ANKS1A: variants seen among roughly 807,000 people sequenced by gnomAD.
ANKS1A encodes the protein ankyrin repeat and sterile alpha motif domain containing 1A.
In ANKS1A, 55 loss-of-function variants were observed where a neutral mutation model predicts 120.3. That is an observed-to-expected ratio of 0.46 (90% CI 0.37 to 0.57). The LOEUF (loss-of-function observed/expected upper bound fraction) is 0.57, where lower values mean the gene tolerates loss of function less well. ANKS1A is among the 20% of genes least tolerant of loss of function. The pLI, the probability that ANKS1A is intolerant of heterozygous loss-of-function variation, is 0.00. For missense variants in ANKS1A, 1,123 were observed against 1,480.3 expected (o/e 0.76, Z 3.96); for synonymous variants, 590 against 604.7 (o/e 0.98, Z 0.36).
Position 34,889,804 on chromosome 6 carries a change from G to GT in ANKS1A, c.197+207dup, listed in dbSNP as rs2127436512. Among the ~76,000 whole-genome samples the GT allele has an allele frequency of 6.6e-6, 1 of 152,214 alleles. No individual in the cohort carries two copies. The highest frequency in any genetic ancestry group is 6.5e-5 in the Admixed American group (1 of 15,300). On this transcript the variant is annotated intron_variant, in intron 1 of 23. Transcript: ENST00000360359. The surrounding 1 kb of genome is among the most constrained non-coding windows in gnomAD (Gnocchi z 5.5). Reference sequence around the variant, plus strand: ...CTGCTCCGGGCTCGCCTGGTCTCCCGTTCTGACCCGGCTGCGAAGAATGGT... The same window carrying GT: ...CTGCTCCGGGCTCGCCTGGTCTCCCGTTTCTGACCCGGCTGCGAAGAATGGT...
In ANKS1A at chr6:35,086,342, C is replaced by T. The variant is rs1221515480; in HGVS notation, c.3303+406C>T. 2 of 1,299,582 alleles carry T rather than the reference C, an allele frequency of 1.5e-6. No homozygotes were observed. Among genetic ancestry groups the T allele is most frequent in the Admixed American group, 2.3e-5 (1 of 43,790 alleles). The allele number at this position is 1,299,582 out of a possible 1,614,324, so 80.5% of individuals were successfully genotyped here. ...CACCCACCGTCCTTCCTACCTACCG[C>T]TGCCATCTGTTAGTCCTGGAGTCAA... On this transcript the variant is annotated intron_variant, in intron 22 of 23. Transcript: ENST00000360359. This position sits in a 1 kb window ranked among gnomAD's most constrained non-coding sequence, Gnocchi z 5.1.
chr6:35,010,101 T>C (rs1394556895), intron 10 of ANKS1A, among the ~76,000 whole-genome samples: 1 of 151,540 alleles, frequency 6.6e-6, no homozygotes, highest in East Asian at 2.0e-4. Flanking sequence ...GTGGAAGAAC[T>C]GCTTGAGCCC....
At chr6:35,074,203 C>G (rs950985378) in intron 13 of ANKS1A, among the ~76,000 whole-genome samples, 5 of 152,250 alleles carry the variant, frequency 3.3e-5, no homozygotes, top group African/African-American at 1.2e-4. Flanking sequence ...TTTAGAACAT[C>G]ACTGCGGTGC....
chr6:35,033,950 T>C (rs1775032116), intron 11 of ANKS1A, among the ~76,000 whole-genome samples: 1 of 152,162 alleles, frequency 6.6e-6, no homozygotes, highest in Admixed American at 6.5e-5. Context: ...GTGTTAACAC[T>C]CAGGTTCCTT....
rs78529925 is a variant in ANKS1A at position 34,910,486 on chromosome 6, C to T, written c.197+20887C>T. ...TGAGGTGGGAGGATCACTTGAGCCT[C>T]GGAGGTGGAGGCTGCAGTGAGCTGT... On this transcript the variant is annotated intron_variant, in intron 1 of 23. Transcript: ENST00000360359. 1.9e-3 allele frequency among the ~76,000 whole-genome samples: 293 copies of T among 152,218 alleles called. 2 individuals are homozygous for T. Among genetic ancestry groups the T allele is most frequent in the East Asian group, 0.014 (71 of 5,162 alleles).
chr6:34,991,613 C>T (rs926631847), intron 9 of ANKS1A, among the ~76,000 whole-genome samples: 79 of 146,632 alleles, frequency 5.4e-4, no homozygotes, highest in African/African-American at 1.9e-3. Flanking sequence ...CATATATATA[C>T]GTATATACAC....
chr6:35,078,436 C>A (rs1777479470), intron 13 of ANKS1A, 122 bp from the exon 14 acceptor site: 1 of 841,688 alleles, frequency 1.2e-6, no homozygotes, highest in Non-Finnish European at 1.9e-6. Context: ...TGTCCCCATG[C>A]CCTCTTGGTG....
intron 1 of ANKS1A, among the ~76,000 whole-genome samples, chr6:34,906,822 G>A (rs1383549504): frequency 1.3e-5 from 2 of 152,210 alleles, no homozygotes; most frequent in South Asian, 2.1e-4. Flanking sequence ...CTAGGAGATG[G>A]AATTTAATTC....
At position 35,088,403 on chromosome 6, in the gene ANKS1A, T is replaced by C. The variant is rs990847070; in HGVS notation, c.3402-203T>C. Among the ~76,000 whole-genome samples the C allele has an allele frequency of 2.6e-5, 4 of 152,244 alleles. No individual in the cohort carries two copies. The East Asian group carries it at 7.7e-4, about 29-fold the overall frequency. ...TGGGTGGGTCCTGCGTACCCACCCA[T>C]CCTTGTGCCTTCCTGAGCAGAGTCA... On this transcript the variant is annotated intron_variant, in intron 23 of 23. Transcript: ENST00000360359.
At chr6:35,033,567 G>A (rs1052292739) in intron 11 of ANKS1A, among the ~76,000 whole-genome samples, 3 of 152,166 alleles carry the variant, frequency 2.0e-5, no homozygotes, top group Non-Finnish European at 4.4e-5. Flanking sequence ...TTCAGATAAC[G>A]CTGTTTCTCT....
In ANKS1A at chr6:35,063,696, C is replaced by T. The variant is rs544922459; in HGVS notation, c.2184+3443C>T. 1.5e-4 allele frequency among the ~76,000 whole-genome samples: 23 copies of T among 152,298 alleles called. No individual in the cohort carries two copies. The South Asian group carries it at 4.4e-3, about 29-fold the overall frequency. ...TTCATTTTCCTCTTTGGAGTGTAAT[C>T]GTTTTTCTCCATTTCCCACCATGAA... On this transcript the variant is annotated intron_variant, in intron 13 of 23. Coordinates refer to ENST00000360359, the MANE Select transcript of ANKS1A (RefSeq NM_015245.3).
intron 3 of ANKS1A, among the ~76,000 whole-genome samples, chr6:34,976,472 G>T (rs770499115): frequency 1.3e-5 from 2 of 152,042 alleles, no homozygotes; most frequent in Non-Finnish European, 2.9e-5. Context: ...CTTAGTCTGA[G>T]TCATAAAATG....
At chr6:35,066,283 G>A (rs552473801) in intron 13 of ANKS1A, among the ~76,000 whole-genome samples, 6 of 152,282 alleles carry the variant, frequency 3.9e-5, no homozygotes, top group East Asian at 3.9e-4. Context: ...TCTGCAGGCT[G>A]CAGAGGTTGG....
In ANKS1A at chr6:34,962,789, A is replaced by AAAAAC. The variant is rs533409380; in HGVS notation, c.198-4431_198-4427dup. On this transcript the variant is annotated intron_variant, in intron 1 of 23. Coordinates refer to ENST00000360359, the MANE Select transcript of ANKS1A (RefSeq NM_015245.3). ...GGGTGACAGAGCGAGACTCTGTCTCAAAAACAAAACAAAACAAAACAAACA... is the reference window on the plus strand; with the variant it reads ...GGGTGACAGAGCGAGACTCTGTCTCAAAAACAAAACAAAACAAAACAAAACAAACA... 2.2e-3 allele frequency among the ~76,000 whole-genome samples: 333 copies of AAAAAC among 151,992 alleles called. 1 individual carries two copies. Among genetic ancestry groups the AAAAAC allele is most frequent in the African/African-American group, 6.9e-3 (286 of 41,478 alleles).
intron 10 of ANKS1A, among the ~76,000 whole-genome samples, chr6:35,003,126 C>T (rs947582346): frequency 2.0e-5 from 3 of 151,874 alleles, no homozygotes; most frequent in African/African-American, 4.8e-5. Flanking sequence ...CTATGCTTCC[C>T]GCAAAAAGAA....
chr6:35,035,062 C>T (rs760182700), intron 11 of ANKS1A, among the ~76,000 whole-genome samples: 3 of 152,348 alleles, frequency 2.0e-5, no homozygotes, highest in African/African-American at 7.2e-5. Flanking sequence ...GGAAGAAAGG[C>T]GTTGGCTGGC....
At chr6:34,957,551 C>A (rs1423147668) in intron 1 of ANKS1A, among the ~76,000 whole-genome samples, 1 of 152,146 alleles carries the variant, frequency 6.6e-6, no homozygotes, top group Non-Finnish European at 1.5e-5. Flanking sequence ...CATTGAAAGC[C>A]TTTGGCAGAA....
Position 35,060,055 on chromosome 6 carries a change from G to A in ANKS1A, c.2078-92G>A. 2 of 979,174 alleles carry A rather than the reference G, an allele frequency of 2.0e-6. 1 individual carries two copies. Among genetic ancestry groups the A allele is most frequent in the South Asian group, 2.8e-5 (2 of 70,368 alleles). 60.7% of individuals were successfully genotyped at this position (979,174 alleles called of 1,614,324 possible). On this transcript the variant is annotated intron_variant, in intron 12 of 23. Transcript: ENST00000360359. This position sits in a 1 kb window ranked among gnomAD's most constrained non-coding sequence, Gnocchi z 4.5. The stretch of plus-strand genomic sequence containing the variant: ...GCTGTTTGATGGTAATGACTATGAT[G>A]TGGCAATGCCATCTATCTTCCTCTG...
Position 34,936,061 on chromosome 6 carries a change from CAAAAAAAAAA to C in ANKS1A, c.198-31162_198-31153del, listed in dbSNP as rs34851777. ...TGGGCGACAGAGCGAGACTCCGTCT[CAAAAAAAAAA>C]AAAAAAAAAAAAAAATACTTTCTCC... On this transcript the variant is annotated intron_variant, in intron 1 of 23. Coordinates refer to ENST00000360359, the MANE Select transcript of ANKS1A (RefSeq NM_015245.3). Among the ~76,000 whole-genome samples the C allele has an allele frequency of 8.5e-4, 31 of 36,342 alleles. 1 individual carries two copies. Among genetic ancestry groups the C allele is most frequent in the Admixed American group, 5.2e-3 (19 of 3,622 alleles). 23.8% of individuals were successfully genotyped at this position (36,342 alleles called of 152,430 possible). A position where few individuals can be genotyped will look rare whatever the true frequency, so the allele number is the denominator to read the frequency against.
Sources: allele counts gnomAD v4.1 joint callset (sites outside exome capture counted in the v4.1 genomes callset), GRCh38; gene constraint gnomAD v4.1.1; non-coding constraint Gnocchi (gnomAD v3.1); transcripts MANE v1.5; gene names NCBI Gene and HGNC (gene_info 2026-07-23, HGNC 2026-07-21).